The following TM2D1 variants were observed in gnomAD, a reference collection of about 807,000 sequenced individuals.
TM2D1 encodes the protein TM2 domain containing 1, also known as TM2 domain-containing protein 1.
A neutral mutation model predicts 28.4 loss-of-function variants in TM2D1; 15 were observed. The observed-to-expected ratio is 0.53, with a 90% CI of 0.35 to 0.81. The LOEUF (loss-of-function observed/expected upper bound fraction) is 0.81, where lower values mean the gene tolerates loss of function less well. Ranked by LOEUF, TM2D1 falls within the 40% of genes least tolerant of loss-of-function variation. The pLI, the probability that TM2D1 is intolerant of heterozygous loss-of-function variation, is 0.01. For synonymous variants in TM2D1, 93 were observed against 96.2 expected, an observed-to-expected ratio of 0.97 and a Z score of 0.20; for missense variants, 236 against 254.9, an observed-to-expected ratio of 0.93 and a Z score of 0.50.
At chr1:61,711,908 CTT>C (rs71050145) in intron 2 of TM2D1, among the ~76,000 whole-genome samples, 3 of 145,182 alleles carry the variant, frequency 2.1e-5, no homozygotes, top group Non-Finnish European at 3.0e-5. Flanking sequence ...ATCACTAATT[CTT>C]TTTTTTTTTT....
chr1:61,702,788 T>C (rs928963222), intron 3 of TM2D1, among the ~76,000 whole-genome samples: 2 of 151,786 alleles, frequency 1.3e-5, no homozygotes, highest in African/African-American at 4.8e-5. Context: ...AAGATGGTAA[T>C]ATATTTTAGA....
intron 2 of TM2D1, among the ~76,000 whole-genome samples, chr1:61,720,094 A>C (rs1041254226): frequency 1.3e-5 from 2 of 152,224 alleles, no homozygotes; most frequent in Admixed American, 1.3e-4. Context: ...ATACTTTAAT[A>C]CAAACTTAAG....
intron 5 of TM2D1, among the ~76,000 whole-genome samples, chr1:61,691,486 A>C (rs1337794483): frequency 1.6e-5 from 2 of 122,888 alleles, no homozygotes; most frequent in Non-Finnish European, 3.3e-5. Context: ...CAAGAGCAAA[A>C]CTCCATCTCA....
intron 5 of TM2D1, among the ~76,000 whole-genome samples, chr1:61,686,147 T>A (rs991822359): frequency 6.6e-6 from 1 of 152,226 alleles, no homozygotes; most frequent in African/African-American, 2.4e-5. Flanking sequence ...TCTTATTGAT[T>A]ATAATGAAGA....
chr1:61,724,920 C>T (rs1292744062), intron 1 of TM2D1, 37 bp downstream of exon 1: 1 of 1,548,354 alleles, frequency 6.5e-7, no homozygotes, highest in East Asian at 2.3e-5. Context: ...CCAACTCTAC[C>T]TCGCCTCCAT....
intron 2 of TM2D1, among the ~76,000 whole-genome samples, chr1:61,723,466 T>A (rs1014575877): frequency 1.3e-5 from 2 of 152,218 alleles, no homozygotes; most frequent in Non-Finnish European, 2.9e-5. Context: ...TCTGGGAACA[T>A]CCACGTCCAG....
intron 4 of TM2D1, chr1:61,699,974 C>G: frequency 1.6e-6 from 1 of 606,668 alleles, no homozygotes; most frequent in Non-Finnish European, 2.4e-6. Flanking sequence ...TGGGTAGCAA[C>G]ATGGAAGAAA....
At chr1:61,685,949 G>C (rs979263847) in intron 5 of TM2D1, among the ~76,000 whole-genome samples, 21 of 151,828 alleles carry the variant, frequency 1.4e-4, no homozygotes, top group African/African-American at 5.1e-4. Flanking sequence ...GGAGTTCAAG[G>C]TTGCAGTGAG....
intron 2 of TM2D1, among the ~76,000 whole-genome samples, chr1:61,714,147 G>A (rs1263469433): frequency 4.0e-4 from 58 of 146,018 alleles, no homozygotes; most frequent in Admixed American, 1.6e-3. Flanking sequence ...CACCCGCCTC[G>A]GCCTCCCAAA....
intron 3 of TM2D1, 100 bp from the exon 4 acceptor site, chr1:61,701,125 A>C: frequency 1.1e-6 from 1 of 894,124 alleles, no homozygotes; most frequent in Non-Finnish European, 1.7e-6. Context: ...TCTTTCACTC[A>C]GTTAATGTTT....
At chr1:61,724,663 G>A (rs1359293297) in intron 1 of TM2D1, among the ~76,000 whole-genome samples, 2 of 151,938 alleles carry the variant, frequency 1.3e-5, no homozygotes, top group Non-Finnish European at 2.9e-5. Flanking sequence ...GCATACTTCA[G>A]GATCTACATG....
intron 2 of TM2D1, among the ~76,000 whole-genome samples, chr1:61,723,253 G>A (rs755591647): frequency 3.9e-5 from 6 of 152,130 alleles, no homozygotes; most frequent in East Asian, 1.9e-4. Flanking sequence ...TGACATAAAC[G>A]ATAGTGATGA....
intron 2 of TM2D1, among the ~76,000 whole-genome samples, chr1:61,711,523 C>G (rs976063081): frequency 1.3e-5 from 2 of 151,300 alleles, no homozygotes; most frequent in Non-Finnish European, 2.9e-5. Context: ...TGGTGGTGCT[C>G]ACCTGTTGTC....
At chr1:61,711,454 A>C (rs1327301174) in intron 2 of TM2D1, among the ~76,000 whole-genome samples, 1 of 152,102 alleles carries the variant, frequency 6.6e-6, no homozygotes, top group East Asian at 1.9e-4. Flanking sequence ...GTCTGAGACC[A>C]GCCTGGGCAA....
chr1:61,686,533 C>A (rs1423409787), intron 5 of TM2D1, among the ~76,000 whole-genome samples: 1 of 151,866 alleles, frequency 6.6e-6, no homozygotes, highest in Non-Finnish European at 1.5e-5. Context: ...CACGGTGGTG[C>A]ACACCTGTAA....
chr1:61,694,695 A>G lies in TM2D1; in HGVS notation c.513+2T>C, dbSNP rs1171730516. ...GTTTACATTCTAGATTGAGAAACTT[A>G]CCTGCATTGAAATAAGAATGAAATC... is the stretch of plus-strand genomic sequence containing the variant. On this transcript the variant is annotated splice_donor_variant, in intron 5 of 6. Transcript: ENST00000606498. LOFTEE classifies it high-confidence loss of function. 6.3e-7 allele frequency: 1 copy of G among 1,595,660 alleles called. No homozygotes were observed. Among genetic ancestry groups the G allele is most frequent in the Admixed American group, 1.7e-5 (1 of 58,186 alleles).
chr1:61,683,451 C>A lies in TM2D1; in HGVS notation c.609G>T (p.Thr203=). Residue 203 remains threonine (T), a synonymous_variant, in exon 6 of 7, where the codon ACG becomes ACT. Transcript: ENST00000606498. Reference sequence around the variant, plus strand: ...TAAAAAATATTTATGGATATAATTGCGTTTTTCTAAATGTTTCATTAGTAA... The same window carrying A: ...TAAAAAATATTTATGGATATAATTGAGTTTTTCTAAATGTTTCATTAGTAA... ...LSITNETFRK[T]QLYP The A allele has an allele frequency of 7.1e-7, 1 of 1,417,520 alleles. No individual in the cohort carries two copies. Among genetic ancestry groups the A allele is most frequent in the Non-Finnish European group, 9.5e-7 (1 of 1,054,584 alleles). The allele number at this position is 1,417,520 out of a possible 1,614,324, so 87.8% of individuals were successfully genotyped here.
Position 61,681,310 on chromosome 1 carries a change from T to C in TM2D1, c.*60A>G, listed in dbSNP as rs1424785772. On this transcript the variant is annotated 3_prime_UTR_variant, in exon 7 of 7. Transcript: ENST00000606498. The stretch of plus-strand genomic sequence containing the variant: ...TGAAAAAGAGAAATCTTTAAATCCA[T>C]ACACTAGAAGTTCTCTATTAAAATC... The C allele has an allele frequency of 6.6e-6, 1 of 152,334 alleles. No individual in the cohort carries two copies. Among genetic ancestry groups the C allele is most frequent in the Non-Finnish European group, 1.5e-5 (1 of 68,024 alleles). The allele number at this position is 152,334 out of a possible 1,614,324, so 9.4% of individuals were successfully genotyped here.
intron 4 of TM2D1, 130 bp downstream of exon 4, chr1:61,700,804 G>T: frequency 3.1e-6 from 2 of 648,664 alleles, no homozygotes; most frequent in South Asian, 2.3e-5. Context: ...ACTCACAGAA[G>T]AACATTAACT....
Sources: gnomAD v4.1 joint callset for allele counts (sites outside exome capture counted in the v4.1 genomes callset) on GRCh38, gnomAD v4.1.1 for gene constraint, MANE v1.5 for transcripts, NCBI Gene and HGNC (gene_info 2026-07-23, HGNC 2026-07-21) for gene names.